Variants in ROBO2 observed in about 807,000 individuals in gnomAD.
The protein encoded by ROBO2 is roundabout homolog 2.
In ROBO2, 53 loss-of-function variants were observed where a neutral mutation model predicts 160.8. That is an observed-to-expected ratio of 0.33 (90% CI 0.26 to 0.41). ROBO2 has a LOEUF of 0.41. Ranked by LOEUF, ROBO2 falls within the 10% of genes least tolerant of loss-of-function variation. ROBO2 has a pLI of 1.00. For synonymous variants in ROBO2, 664 were observed against 611.7 expected (o/e 1.09, Z -1.26); for missense variants, 1,577 against 1,722.4 (o/e 0.92, Z 1.49).
At chr3:77,543,543 A>T (rs1432205876) in intron 6 of ROBO2, among the ~76,000 whole-genome samples, 2 of 152,214 alleles carry the variant, frequency 1.3e-5, no homozygotes, top group Non-Finnish European at 2.9e-5. Flanking sequence ...ATCTACAAAA[A>T]AAATGTTTCA....
chr3:76,769,035 A>G (rs137931345), intron 2 of ROBO2, among the ~76,000 whole-genome samples: 21 of 151,588 alleles, frequency 1.4e-4, no homozygotes, highest in African/African-American at 3.9e-4. Context: ...GTAGATTAGA[A>G]GCACATAATA....
chr3:76,894,704 A>C (rs545131853), intron 2 of ROBO2, among the ~76,000 whole-genome samples: 160 of 152,228 alleles, frequency 1.1e-3, no homozygotes, highest in African/African-American at 3.6e-3. Context: ...TTTTCTGGCC[A>C]ATTTTAATCT....
chr3:77,007,459 A>G (rs1431450114), intron 2 of ROBO2, among the ~76,000 whole-genome samples: 2 of 152,098 alleles, frequency 1.3e-5, no homozygotes, highest in African/African-American at 4.8e-5. Flanking sequence ...CCGGGTCTAT[A>G]TATTTACAGA....
At chr3:77,355,295 T>A (rs1254289752) in intron 2 of ROBO2, among the ~76,000 whole-genome samples, 1 of 152,040 alleles carries the variant, frequency 6.6e-6, no homozygotes, top group African/African-American at 2.4e-5. Context: ...CCAGAATATC[T>A]TATAAATTAG....
At chr3:77,551,245 T>G (rs1410638036) in intron 8 of ROBO2, among the ~76,000 whole-genome samples, 1 of 152,022 alleles carries the variant, frequency 6.6e-6, no homozygotes, top group East Asian at 1.9e-4. Flanking sequence ...TAAATAAATG[T>G]CATCACACTC....
chr3:77,544,129 A>G (rs1049093704), intron 6 of ROBO2, among the ~76,000 whole-genome samples: 1 of 149,064 alleles, frequency 6.7e-6, no homozygotes, highest in African/African-American at 2.5e-5. Flanking sequence ...TTTTTTTGGC[A>G]CAAATACCTG....
chr3:76,671,261 CT>C (rs1230330976), intron 2 of ROBO2, among the ~76,000 whole-genome samples: 1 of 152,022 alleles, frequency 6.6e-6, no homozygotes, highest in African/African-American at 2.4e-5. Context: ...TCACTTTGGG[CT>C]TTTTTTCCCC....
At chr3:76,055,326 C>T (rs1415500362) in intron 2 of ROBO2, among the ~76,000 whole-genome samples, 1 of 152,134 alleles carries the variant, frequency 6.6e-6, no homozygotes, top group Non-Finnish European at 1.5e-5. Context: ...TATTAATTGT[C>T]ACCACCATCT....
chr3:76,322,883 G>A (rs557748472), intron 2 of ROBO2, among the ~76,000 whole-genome samples: 11 of 152,182 alleles, frequency 7.2e-5, no homozygotes, highest in South Asian at 4.2e-4. Context: ...AGCAGCTCAC[G>A]TTTGCTAAAT....
At chr3:77,153,169 G>A (rs540122665) in intron 2 of ROBO2, among the ~76,000 whole-genome samples, 1 of 152,220 alleles carries the variant, frequency 6.6e-6, no homozygotes, top group South Asian at 2.1e-4. Flanking sequence ...AAGAATTTGT[G>A]TTAAATCTCC....
At chr3:76,552,256 C>G (rs1451164305) in intron 2 of ROBO2, among the ~76,000 whole-genome samples, 1 of 152,108 alleles carries the variant, frequency 6.6e-6, no homozygotes, top group Non-Finnish European at 1.5e-5. Flanking sequence ...TTGAGCATCC[C>G]AGAATTTTAG....
intron 2 of ROBO2, among the ~76,000 whole-genome samples, chr3:77,395,498 A>G (rs2075185233): frequency 6.6e-6 from 1 of 152,134 alleles, no homozygotes; most frequent in African/African-American, 2.4e-5. Context: ...CTTTGCTTGT[A>G]TTTTATTGAT....
chr3:76,803,032 G>T (rs1048909429), intron 2 of ROBO2, among the ~76,000 whole-genome samples: 8 of 152,096 alleles, frequency 5.3e-5, no homozygotes, highest in Non-Finnish European at 8.8e-5. Context: ...GATCATTTTT[G>T]ATCTCATTAC....
intron 2 of ROBO2, among the ~76,000 whole-genome samples, chr3:77,466,589 C>A (rs2082784431): frequency 1.3e-5 from 2 of 151,954 alleles, no homozygotes; most frequent in African/African-American, 2.4e-5. Context: ...AGTTGTGAGC[C>A]CATAGATATA....
chr3:77,422,451 C>G (rs916338482), intron 2 of ROBO2, among the ~76,000 whole-genome samples: 1 of 152,094 alleles, frequency 6.6e-6, no homozygotes, highest in East Asian at 1.9e-4. Context: ...ACAAGGTGGG[C>G]CTTCAAGACA....
chr3:76,718,468 T>G (rs1339225508), intron 2 of ROBO2, among the ~76,000 whole-genome samples: 2 of 152,244 alleles, frequency 1.3e-5, no homozygotes, highest in East Asian at 3.8e-4. Flanking sequence ...TCAAAATAAC[T>G]GCCTTCACCC....
intron 2 of ROBO2, among the ~76,000 whole-genome samples, chr3:76,229,736 T>G (rs957921273): frequency 1.3e-5 from 2 of 152,158 alleles, no homozygotes; most frequent in African/African-American, 4.8e-5. Context: ...GATAAATATT[T>G]AATAAAGCAG....
intron 2 of ROBO2, among the ~76,000 whole-genome samples, chr3:76,811,183 G>T (rs1187131784): frequency 1.3e-5 from 2 of 152,146 alleles, no homozygotes; most frequent in African/African-American, 4.8e-5. Context: ...CTTCATGAGA[G>T]AAGTCCAGCA....
chr3:77,573,845 A>T (rs549854276), intron 13 of ROBO2, among the ~76,000 whole-genome samples: 1 of 151,300 alleles, frequency 6.6e-6, no homozygotes, highest in South Asian at 2.1e-4. Context: ...ACATTTGTTT[A>T]TGCTTTTTTT....
Sources: allele counts gnomAD v4.1 joint callset (sites outside exome capture counted in the v4.1 genomes callset), GRCh38; gene constraint gnomAD v4.1.1; transcripts MANE v1.5; gene names NCBI Gene and HGNC (gene_info 2026-07-23, HGNC 2026-07-21).